Variants in PRKCE observed in about 807,000 individuals in gnomAD.
PRKCE encodes the protein protein kinase C epsilon, also known as protein kinase C epsilon type.
Under a neutral mutation model 85.4 loss-of-function variants are expected in PRKCE, and 16 were observed. That is an observed-to-expected ratio of 0.19 (90% CI 0.13 to 0.28). The LOEUF is 0.28. Among genes scored for constraint, PRKCE ranks in the 10% least tolerant of loss-of-function variants. The pLI is 1.00. For synonymous variants in PRKCE, 388 were observed against 371.5 expected (o/e 1.04, Z -0.51); for missense variants, 573 against 975.2 (o/e 0.59, Z 5.49).
intron 2 of PRKCE, among the ~76,000 whole-genome samples, chr2:45,889,360 T>A (rs1296759040): frequency 1.3e-5 from 2 of 152,164 alleles, no homozygotes; most frequent in African/African-American, 4.8e-5. Context: ...AAATGGTCCA[T>A]AAGCGCCCTC....
At chr2:45,993,650 A>G (rs532734538) in intron 6 of PRKCE, among the ~76,000 whole-genome samples, 7 of 152,218 alleles carry the variant, frequency 4.6e-5, no homozygotes, top group Admixed American at 3.9e-4. Context: ...GAAATTCTCA[A>G]CTTGGCTCTT....
At chr2:45,947,381 T>C (rs1029331654) in intron 2 of PRKCE, among the ~76,000 whole-genome samples, 1 of 152,082 alleles carries the variant, frequency 6.6e-6, no homozygotes, top group African/African-American at 2.4e-5. Flanking sequence ...TTGCGGGGGA[T>C]GAAAATGTTC....
chr2:46,005,505 TC>T (rs908731070), intron 8 of PRKCE, among the ~76,000 whole-genome samples: 2 of 152,076 alleles, frequency 1.3e-5, no homozygotes, highest in Non-Finnish European at 2.9e-5. Context: ...TTCATTACTG[TC>T]CCCCAGGTTA....
chr2:45,961,270 TCA>T (rs1701357751), intron 2 of PRKCE, among the ~76,000 whole-genome samples: 1 of 152,190 alleles, frequency 6.6e-6, no homozygotes, highest in Non-Finnish European at 1.5e-5. Context: ...TGAACAAGTC[TCA>T]GAGTTAAAAA....
At chr2:45,762,694 A>G (rs1202513169) in intron 1 of PRKCE, among the ~76,000 whole-genome samples, 1 of 152,158 alleles carries the variant, frequency 6.6e-6, no homozygotes, top group Non-Finnish European at 1.5e-5. Context: ...TCAACATAAT[A>G]CCTATTATTT....
chr2:45,723,164 T>C (rs1449025919), intron 1 of PRKCE, among the ~76,000 whole-genome samples: 4 of 152,096 alleles, frequency 2.6e-5, no homozygotes, highest in African/African-American at 9.7e-5. Context: ...CTGTGGAAAA[T>C]AGAATATGGG....
intron 11 of PRKCE, among the ~76,000 whole-genome samples, chr2:46,098,328 C>A (rs532194628): frequency 2.6e-5 from 4 of 152,026 alleles, no homozygotes; most frequent in South Asian, 2.1e-4. Context: ...ACTCCCCCCC[C>A]AACCCACACA....
At chr2:45,953,320 A>T (rs1365030007) in intron 2 of PRKCE, among the ~76,000 whole-genome samples, 1 of 152,222 alleles carries the variant, frequency 6.6e-6, no homozygotes, top group Non-Finnish European at 1.5e-5. Context: ...CACGGGTCAC[A>T]TATTTGGTTG....
At chr2:45,761,937 C>G (rs938996952) in intron 1 of PRKCE, among the ~76,000 whole-genome samples, 1 of 152,130 alleles carries the variant, frequency 6.6e-6, no homozygotes, top group Non-Finnish European at 1.5e-5. Context: ...CCCTTCAGGA[C>G]CACCCAGCAA....
At chr2:45,741,301 T>C (rs1028609954) in intron 1 of PRKCE, among the ~76,000 whole-genome samples, 2 of 152,242 alleles carry the variant, frequency 1.3e-5, no homozygotes, top group African/African-American at 4.8e-5. Context: ...ACAAAGTTTC[T>C]GAGAATCTTT....
chr2:45,914,364 A>T (rs531080093), intron 2 of PRKCE, among the ~76,000 whole-genome samples: 5 of 151,182 alleles, frequency 3.3e-5, no homozygotes, highest in Non-Finnish European at 7.4e-5. Context: ...GGACATGTGG[A>T]CTTGGATGTG....
At chr2:45,731,617 AT>A (rs11329717) in intron 1 of PRKCE, among the ~76,000 whole-genome samples, 38,192 of 108,480 alleles carry the variant, frequency 0.35, 4,398 homozygotes, top group Non-Finnish European at 0.37. Flanking sequence ...AATTCCTGGA[AT>A]TTTTTTTTTT....
At chr2:45,763,579 T>C (rs1469452141) in intron 1 of PRKCE, among the ~76,000 whole-genome samples, 3 of 152,092 alleles carry the variant, frequency 2.0e-5, no homozygotes, top group Admixed American at 6.5e-5. Flanking sequence ...AGGACAGTTT[T>C]CAGCATTTAA....
chr2:45,745,857 C>T (rs1003012342), intron 1 of PRKCE, among the ~76,000 whole-genome samples: 5 of 152,148 alleles, frequency 3.3e-5, no homozygotes, highest in South Asian at 2.1e-4. Context: ...TCTTTTCCAC[C>T]GTAGTTGAAT....
At chr2:46,122,853 C>G (rs931568021) in intron 11 of PRKCE, among the ~76,000 whole-genome samples, 2 of 149,178 alleles carry the variant, frequency 1.3e-5, no homozygotes, top group Non-Finnish European at 3.0e-5. Flanking sequence ...AGTGTTGAAA[C>G]CTGGCTTTTT....
chr2:46,008,130 A>G (rs966387040), intron 9 of PRKCE, among the ~76,000 whole-genome samples: 3 of 152,180 alleles, frequency 2.0e-5, no homozygotes, highest in African/African-American at 7.2e-5. Context: ...TGGAAGGTAA[A>G]TGTTATTTAA....
chr2:46,054,444 G>C (rs1487222742), intron 10 of PRKCE, among the ~76,000 whole-genome samples: 1 of 152,138 alleles, frequency 6.6e-6, no homozygotes, highest in Non-Finnish European at 1.5e-5. Context: ...TACTATGTCA[G>C]AATACCCCCT....
chr2:46,098,653 G>A (rs958582174), intron 11 of PRKCE, among the ~76,000 whole-genome samples: 3 of 152,166 alleles, frequency 2.0e-5, no homozygotes, highest in African/African-American at 7.2e-5. Context: ...TGACTATGCT[G>A]TGTTCTATAG....
At position 45,978,716 on chromosome 2, in the gene PRKCE, A is replaced by G. The variant is rs1189155075; in HGVS notation, c.573-260A>G. On this transcript the variant is annotated intron_variant, in intron 3 of 14. Transcript: ENST00000306156. ...CTTTCCAGAACATTGCTGACCACAC[A>G]GGAATGGCTCTCTGTATAGGAAATC... is the stretch of plus-strand genomic sequence containing the variant. 7 of 423,034 alleles carry G rather than the reference A, an allele frequency of 1.7e-5. No homozygotes were observed. The Admixed American group carries it at 2.8e-4, about 17-fold the overall frequency. The allele number at this position is 423,034 out of a possible 1,614,324, so 26.2% of individuals were successfully genotyped here.
Sources: allele counts gnomAD v4.1 joint callset (sites outside exome capture counted in the v4.1 genomes callset), GRCh38; gene constraint gnomAD v4.1.1; transcripts MANE v1.5; gene names NCBI Gene and HGNC (gene_info 2026-07-23, HGNC 2026-07-21).